The following DOCK4 variants were observed in gnomAD, a reference collection of about 807,000 sequenced individuals.
DOCK4 encodes the protein dedicator of cytokinesis 4.
Under a neutral mutation model 268.1 loss-of-function variants are expected in DOCK4, and 97 were observed. The observed-to-expected ratio is 0.36, with a 90% CI of 0.31 to 0.43. The LOEUF is 0.43. Among genes scored for constraint, DOCK4 ranks in the 20% least tolerant of loss-of-function variants. DOCK4 has a pLI of 1.00. For synonymous variants in DOCK4, 954 were observed against 887.2 expected (o/e 1.08, Z -1.34); for missense variants, 2,145 against 2,455.7 (o/e 0.87, Z 2.67).
At chr7:111,915,981 C>T in intron 12 of DOCK4, 77 bp from the exon 13 acceptor site, 11 of 1,471,236 alleles carry the variant, frequency 7.5e-6, no homozygotes, top group Non-Finnish European at 1.0e-5. Context: ...TTGCAACAAG[C>T]CCAAATTTAG....
chr7:111,877,237 G>C, intron 16 of DOCK4, 51 bp from the exon 17 acceptor site: 2 of 1,264,592 alleles, frequency 1.6e-6, no homozygotes, highest in Non-Finnish European at 2.0e-6. Context: ...GATCTCATAA[G>C]AATTATTAAG....
At chr7:111,920,351 T>C (rs1793002178) in intron 12 of DOCK4, among the ~76,000 whole-genome samples, 1 of 152,232 alleles carries the variant, frequency 6.6e-6, no homozygotes, top group South Asian at 2.1e-4. Context: ...TTTAATCATT[T>C]AGCAGTGTAT....
intron 12 of DOCK4, among the ~76,000 whole-genome samples, chr7:111,924,020 C>T (rs997492627): frequency 7.9e-5 from 12 of 152,288 alleles, no homozygotes; most frequent in African/African-American, 2.4e-4. Flanking sequence ...AAACTGTATA[C>T]CAGTGCCTTG....
At chr7:111,864,515 G>A (rs1046864431) in intron 22 of DOCK4, among the ~76,000 whole-genome samples, 5 of 152,118 alleles carry the variant, frequency 3.3e-5, no homozygotes, top group Non-Finnish European at 5.9e-5. Context: ...AAAATAGGTC[G>A]CGTCTACATG....
chr7:111,797,986 A>T (rs907636843), intron 30 of DOCK4, among the ~76,000 whole-genome samples: 1 of 152,216 alleles, frequency 6.6e-6, no homozygotes, highest in African/African-American at 2.4e-5. Context: ...GGTCTTTTAT[A>T]ATAGGGACCA....
intron 1 of DOCK4, among the ~76,000 whole-genome samples, chr7:112,171,446 CT>C (rs75893945): frequency 6.7e-6 from 1 of 150,130 alleles, no homozygotes; most frequent in African/African-American, 2.5e-5. Flanking sequence ...TTTCCTTTAT[CT>C]TTTTTTTTCT....
chr7:111,784,322 A>G, intron 32 of DOCK4, 199 bp from the exon 33 acceptor site: 1 of 710,516 alleles, frequency 1.4e-6, no homozygotes, highest in Non-Finnish European at 2.5e-6. Context: ...CAAAAACAGG[A>G]GTGCCTCCAA....
At position 111,933,295 on chromosome 7, in the gene DOCK4, TA is replaced by T. The variant is rs1180767605; in HGVS notation, c.1066+2244del. On this transcript the variant is annotated intron_variant, in intron 12 of 52. Coordinates refer to ENST00000428084, the MANE Select transcript of DOCK4 (RefSeq NM_001363540.2). The stretch of plus-strand genomic sequence containing the variant: ...ACATATATACATATATATATATATA[TA>T]TATTTTTTTTTTTTTTTGAGATGGA... 6.6e-3 allele frequency among the ~76,000 whole-genome samples: 754 copies of T among 114,356 alleles called. 64 individuals are homozygous for T. The highest frequency in any genetic ancestry group is 0.019 in the African/African-American group (503 of 27,086). 75.0% of individuals were successfully genotyped at this position (114,356 alleles called of 152,430 possible). A position where few individuals can be genotyped will look rare whatever the true frequency, so the allele number is the denominator to read the frequency against.
intron 1 of DOCK4, among the ~76,000 whole-genome samples, chr7:112,107,426 G>T (rs1242887969): frequency 1.3e-5 from 2 of 152,196 alleles, no homozygotes; most frequent in Non-Finnish European, 2.9e-5. Context: ...GCCATGTGGG[G>T]ACACAGAGAG....
chr7:111,792,355 G>C (rs1799606232), intron 30 of DOCK4, among the ~76,000 whole-genome samples: 1 of 152,274 alleles, frequency 6.6e-6, no homozygotes, highest in South Asian at 2.1e-4. Context: ...TGCATAGGTA[G>C]TATAAATGAC....
Position 111,868,015 on chromosome 7 carries a change from C to T in DOCK4, c.2249G>A (p.Ser750Asn). 1 of 1,612,012 alleles carries T rather than the reference C, an allele frequency of 6.2e-7. No individual in the cohort carries two copies. The highest frequency in any genetic ancestry group is 1.1e-5 in the South Asian group (1 of 90,600). Residue 750 changes from serine to asparagine, a missense_variant, in exon 22 of 53, where the codon AGC becomes AAC. This residue lies in a region of DOCK4 where 1,598 missense variants were observed against 1,986.7 expected (regional missense o/e 0.80). Transcript: ENST00000428084. ...MSVRFFLSQESKGSGALSQSQ... is the reference protein window; with the variant it reads ...MSVRFFLSQENKGSGALSQSQ... ...CTGAGATAATGCTCCAGACCCTTTG[C>T]TCTCTTGCGAAAGAAAGAAACGGAC...
intron 12 of DOCK4, among the ~76,000 whole-genome samples, chr7:111,932,034 A>T (rs145879987): frequency 1.3e-5 from 2 of 152,360 alleles, no homozygotes; most frequent in East Asian, 3.9e-4. Flanking sequence ...TTAAGGATAC[A>T]GGATCACTTA....
intron 1 of DOCK4, among the ~76,000 whole-genome samples, chr7:112,025,735 T>C (rs1284759967): frequency 6.6e-6 from 1 of 152,184 alleles, no homozygotes; most frequent in Non-Finnish European, 1.5e-5. Context: ...TCTTTTATTT[T>C]CTTTATCAGC....
At chr7:112,045,280 G>C (rs541770680) in intron 1 of DOCK4, among the ~76,000 whole-genome samples, 2 of 152,196 alleles carry the variant, frequency 1.3e-5, no homozygotes, top group East Asian at 3.9e-4. Context: ...TTAAGGTCTT[G>C]GCTCAAATGT....
At chr7:111,825,245 A>G (rs1802303918) in intron 26 of DOCK4, among the ~76,000 whole-genome samples, 1 of 152,186 alleles carries the variant, frequency 6.6e-6, no homozygotes. Flanking sequence ...TCATAACACA[A>G]ATACCTTCCA....
At chr7:112,134,669 T>C (rs1345129358) in intron 1 of DOCK4, among the ~76,000 whole-genome samples, 2 of 152,156 alleles carry the variant, frequency 1.3e-5, no homozygotes, top group Non-Finnish European at 2.9e-5. Context: ...TGAGCTGAGA[T>C]TGCGCCACTG....
chr7:111,919,445 T>C (rs1792915091), intron 12 of DOCK4, among the ~76,000 whole-genome samples: 1 of 151,878 alleles, frequency 6.6e-6, no homozygotes, highest in South Asian at 2.1e-4. Context: ...AATGGGAAAA[T>C]GACAGGACAA....
At chr7:112,204,645 T>C (rs1350630734) in intron 1 of DOCK4, among the ~76,000 whole-genome samples, 2 of 151,914 alleles carry the variant, frequency 1.3e-5, no homozygotes. Context: ...TTAGTCACAA[T>C]CCAGAATGGA....
chr7:111,946,917 C>T (rs1326104074), intron 8 of DOCK4, among the ~76,000 whole-genome samples: 1 of 152,190 alleles, frequency 6.6e-6, no homozygotes, highest in Admixed American at 6.5e-5. Flanking sequence ...ATGTGTGACA[C>T]TATTTATGTT....
Sources: gnomAD v4.1 joint callset for allele counts (sites outside exome capture counted in the v4.1 genomes callset) on GRCh38, gnomAD v4.1.1 for gene constraint, gnomAD v4.1.1 regional missense constraint, MANE v1.5 for transcripts, NCBI Gene and HGNC (gene_info 2026-07-23, HGNC 2026-07-21) for gene names.